Variants in ZNF469 observed in about 807,000 individuals in gnomAD.
ZNF469 encodes the protein zinc finger protein 469.
In ZNF469, 1 loss-of-function variant was observed where a neutral mutation model predicts 1.0. That is an observed-to-expected ratio of 1.00 (90% CI 0.35 to 4.73). The LOEUF (loss-of-function observed/expected upper bound fraction) is 4.73, where lower values mean the gene tolerates loss of function less well. Among genes scored for constraint, ZNF469 ranks in the 30% most tolerant of loss-of-function variants. ZNF469 has a pLI of 0.16. For synonymous variants in ZNF469, 2,703 were observed against 2,363.4 expected (o/e 1.14, Z -4.17); for missense variants, 6,100 against 5,356.3 (o/e 1.14, Z -4.33).
chr16:88,421,263 G>A (rs946200692), intron 1 of ZNF469, among the ~76,000 whole-genome samples: 16 of 152,210 alleles, frequency 1.1e-4, no homozygotes, highest in East Asian at 5.8e-4. Context: ...TTACCAGAGC[G>A]CTTGGCCGGC....
the ZNF469 span, among the ~76,000 whole-genome samples, chr16:88,368,724 T>C: frequency 2.0e-5 from 3 of 151,300 alleles, no homozygotes; most frequent in Non-Finnish European, 4.4e-5. Context: ...TGGGAGACTG[T>C]GGCCTGGGAA....
chr16:88,329,689 C>T, the ZNF469 span, among the ~76,000 whole-genome samples: 1 of 152,350 alleles, frequency 6.6e-6, no homozygotes, highest in South Asian at 2.1e-4. Context: ...TCATTGAAAA[C>T]ATTAGTCTTT....
rs1269611165 is a variant in ZNF469, at chr16:88,437,280, G to A, written c.9810G>A (p.Arg3270=). 3 of 1,547,954 alleles carry A rather than the reference G, an allele frequency of 1.9e-6. No homozygotes were observed. The highest frequency in any genetic ancestry group is 2.6e-6 in the Non-Finnish European group (3 of 1,145,688). ...GEAKKDSPGE[R]AKPRARSTPS... ...CCAAGAAAGACAGCCCGGGCGAGAG[G>A]GCGAAACCCCGGGCACGCAGCACCC... Residue 3270 remains arginine, a synonymous_variant, in exon 3 of 3, where the codon AGG becomes AGA. Coordinates refer to ENST00000565624, the MANE Select transcript of ZNF469 (RefSeq NM_001367624.2).
At chr16:88,355,558 C>A in the ZNF469 span, among the ~76,000 whole-genome samples, 1 of 152,234 alleles carries the variant, frequency 6.6e-6, no homozygotes, top group Non-Finnish European at 1.5e-5. Flanking sequence ...GGTGAGGAGT[C>A]CAGGCCAGGC....
chr16:88,262,314 C>T, the ZNF469 span, among the ~76,000 whole-genome samples: 761 of 152,256 alleles, frequency 5.0e-3, 7 homozygotes, highest in African/African-American at 0.017. The surrounding 1 kb of genome is among the most constrained non-coding windows in gnomAD (Gnocchi z 4.3). Flanking sequence ...CATCCCAGAG[C>T]GAGAAGGCAG....
At chr16:88,322,673 C>T in the ZNF469 span, among the ~76,000 whole-genome samples, 1 of 152,222 alleles carries the variant, frequency 6.6e-6, no homozygotes, top group East Asian at 1.9e-4. Flanking sequence ...CCCACGGACT[C>T]CAGGACTCAG....
the ZNF469 span, among the ~76,000 whole-genome samples, chr16:88,343,196 C>G: frequency 6.6e-6 from 1 of 152,218 alleles, no homozygotes; most frequent in Admixed American, 6.5e-5. Context: ...TGCACTTGCT[C>G]TCCTGGACCT....
intron 1 of ZNF469, among the ~76,000 whole-genome samples, chr16:88,395,227 GTGGATGGGTAGATGGATGGATGGA>G (rs1904620914): frequency 2.2e-5 from 3 of 137,556 alleles, no homozygotes; most frequent in Non-Finnish European, 4.6e-5. Context: ...GGATGGATGG[GTGGATGGGTAGATGGATGGATGGA>G]TGGATGGATG....
the ZNF469 span, among the ~76,000 whole-genome samples, chr16:88,202,350 C>T: frequency 2.6e-5 from 4 of 152,266 alleles, no homozygotes; most frequent in Admixed American, 6.5e-5. Context: ...GGCTCAGGAC[C>T]GGGGGCTGCT....
chr16:88,339,640 G>C, the ZNF469 span, among the ~76,000 whole-genome samples: 1 of 51,916 alleles, frequency 1.9e-5, no homozygotes, highest in Non-Finnish European at 4.0e-5. Context: ...CAGGAGGATG[G>C]GGGACGTGGC....
At chr16:88,285,384 G>T in the ZNF469 span, among the ~76,000 whole-genome samples, 3 of 152,290 alleles carry the variant, frequency 2.0e-5, no homozygotes, top group Non-Finnish European at 4.4e-5. Context: ...AGGTGCAGCA[G>T]CCATGGTCAC....
At chr16:88,146,496 G>A in the ZNF469 span, among the ~76,000 whole-genome samples, 20 of 152,126 alleles carry the variant, frequency 1.3e-4, no homozygotes, top group African/African-American at 4.6e-4. Context: ...GAGGCCCGGG[G>A]AGAGTGGCAC....
At chr16:88,302,238 G>C in the ZNF469 span, among the ~76,000 whole-genome samples, 1 of 152,258 alleles carries the variant, frequency 6.6e-6, no homozygotes, top group Non-Finnish European at 1.5e-5. Context: ...TCCCGCTGCT[G>C]TCGGAGTGCT....
chr16:88,322,117 C>T, the ZNF469 span, among the ~76,000 whole-genome samples: 24 of 152,344 alleles, frequency 1.6e-4, no homozygotes, highest in African/African-American at 5.1e-4. Context: ...CATGGAGCCA[C>T]GGCAGGAGGT....
intron 1 of ZNF469, among the ~76,000 whole-genome samples, chr16:88,409,656 C>T (rs1905093290): frequency 6.6e-6 from 1 of 152,212 alleles, no homozygotes; most frequent in African/African-American, 2.4e-5. Context: ...TGTGCACTCA[C>T]AGACACTTTT....
chr16:88,239,715 ATTTTTTTTTT>A, the ZNF469 span, among the ~76,000 whole-genome samples: 86 of 6,766 alleles, frequency 0.013, 3 homozygotes, highest in Non-Finnish European at 0.014. Flanking sequence ...ATATATATAT[ATTTTTTTTTT>A]TTTTTTTTTT....
At chr16:88,260,451 C>T in the ZNF469 span, among the ~76,000 whole-genome samples, 1 of 152,208 alleles carries the variant, frequency 6.6e-6, no homozygotes, top group East Asian at 1.9e-4. This position sits in a 1 kb window ranked among gnomAD's most constrained non-coding sequence, Gnocchi z 4.1. Flanking sequence ...AAGCCTCGCT[C>T]TGGGGACTGT....
chr16:88,438,802 G>C lies in ZNF469; in HGVS notation c.11332G>C (p.Glu3778Gln), dbSNP rs1906791199. 1 of 1,550,196 alleles carries C rather than the reference G, an allele frequency of 6.5e-7. No individual in the cohort carries two copies. Among genetic ancestry groups the C allele is most frequent in the Non-Finnish European group, 8.7e-7 (1 of 1,146,960 alleles). The part of the protein sequence containing the change: ...PSFPSRSPAP[E>Q]RLPARAQAKS... ...CTTCCCCAGCCGGAGCCCTGCACCAGAGAGGCTCCCCGCTCGAGCCCAAGC... is the reference window on the plus strand; with the variant it reads ...CTTCCCCAGCCGGAGCCCTGCACCACAGAGGCTCCCCGCTCGAGCCCAAGC... The change falls in exon 3 of 3, where the codon GAG becomes CAG. Residue 3778 changes from glutamate to glutamine, a missense_variant. Physicochemically the swap from Glu to Gln is conservative, Grantham distance 29. Transcript: ENST00000565624.
At chr16:88,339,952 G>T in the ZNF469 span, among the ~76,000 whole-genome samples, 1 of 151,948 alleles carries the variant, frequency 6.6e-6, no homozygotes, top group Non-Finnish European at 1.5e-5. Context: ...CACCCCTGCA[G>T]AGGGGAGCGA....
Sources: gnomAD v4.1 joint callset for allele counts (sites outside exome capture counted in the v4.1 genomes callset) on GRCh38, gnomAD v4.1.1 for gene constraint, Gnocchi (gnomAD v3.1) non-coding constraint, MANE v1.5 for transcripts, NCBI Gene and HGNC (gene_info 2026-07-23, HGNC 2026-07-21) for gene names.